The following TCF4 variants were observed in gnomAD, a reference collection of about 807,000 sequenced individuals.
TCF4 encodes SL3-3 enhancer factor 2.
A neutral mutation model predicts 82.1 loss-of-function variants in TCF4; 3 were observed. The ratio of observed to expected loss-of-function variants is 0.04; its 90% CI spans 0.02 to 0.09. The LOEUF (loss-of-function observed/expected upper bound fraction) is 0.09. Among genes scored for constraint, TCF4 ranks in the 10% least tolerant of loss-of-function variants. The probability of loss-of-function intolerance (pLI) is 1.00; values close to 1 mark genes in which losing one functional copy is unlikely to be tolerated. For synonymous variants in TCF4, 276 were observed against 309.6 expected, an observed-to-expected ratio of 0.89 and a Z score of 1.14; for missense variants, 518 against 852.7, an observed-to-expected ratio of 0.61 and a Z score of 4.89.
At chr18:55,621,630 T>G (rs1369020660) in intron 2 of TCF4, among the ~76,000 whole-genome samples, 1 of 83,812 alleles carries the variant, frequency 1.2e-5, no homozygotes, top group African/African-American at 4.8e-5. Context: ...ATATATAATA[T>G]ATATATTATA....
chr18:55,620,985 G>C (rs1246582037), intron 2 of TCF4, among the ~76,000 whole-genome samples: 2 of 152,022 alleles, frequency 1.3e-5, no homozygotes, highest in Non-Finnish European at 2.9e-5. Context: ...TGTTGATAGA[G>C]TGGGCCAATA....
intron 8 of TCF4, among the ~76,000 whole-genome samples, chr18:55,304,818 G>A (rs2069651111): frequency 6.6e-6 from 1 of 152,168 alleles, no homozygotes; most frequent in African/African-American, 2.4e-5. Flanking sequence ...TGTGATTTAA[G>A]AAGAGAGCAT....
chr18:55,620,252 C>T (rs1343111514), intron 2 of TCF4, among the ~76,000 whole-genome samples: 1 of 152,148 alleles, frequency 6.6e-6, no homozygotes, highest in African/African-American at 2.4e-5. Flanking sequence ...TTCTTTATAG[C>T]AGTGTGAAAT....
At chr18:55,413,497 C>T (rs928005055) in intron 5 of TCF4, among the ~76,000 whole-genome samples, 1 of 152,188 alleles carries the variant, frequency 6.6e-6, no homozygotes, top group Non-Finnish European at 1.5e-5. Context: ...ATAATAATAA[C>T]CAAACTGCCA....
chr18:55,376,343 C>T (rs2090741991), intron 6 of TCF4, among the ~76,000 whole-genome samples: 1 of 152,038 alleles, frequency 6.6e-6, no homozygotes, highest in African/African-American at 2.4e-5. Flanking sequence ...TTTCTTAGAA[C>T]ATGAAAATAA....
intron 3 of TCF4, among the ~76,000 whole-genome samples, chr18:55,552,116 T>C (rs1297021015): frequency 6.6e-6 from 1 of 152,198 alleles, no homozygotes; most frequent in East Asian, 1.9e-4. Context: ...CTCATTCAAA[T>C]ATCCCATTCC....
chr18:55,479,473 T>G (rs180679679), intron 3 of TCF4, among the ~76,000 whole-genome samples: 1 of 152,202 alleles, frequency 6.6e-6, no homozygotes, highest in African/African-American at 2.4e-5. Flanking sequence ...CGTGACCACC[T>G]AGGAATCTGA....
intron 5 of TCF4, among the ~76,000 whole-genome samples, chr18:55,429,995 A>T (rs1156832694): frequency 6.6e-6 from 1 of 151,956 alleles, no homozygotes; most frequent in Non-Finnish European, 1.5e-5. Context: ...CTTTTTGCAT[A>T]TGGACGACTG....
intron 3 of TCF4, among the ~76,000 whole-genome samples, chr18:55,476,403 T>C (rs1397825518): frequency 6.6e-6 from 1 of 152,188 alleles, no homozygotes; most frequent in East Asian, 1.9e-4. Flanking sequence ...CTTGTTATAA[T>C]CAATATAAGG....
At chr18:55,395,585 G>A (rs1053282622) in intron 6 of TCF4, among the ~76,000 whole-genome samples, 18 of 152,126 alleles carry the variant, frequency 1.2e-4, no homozygotes, top group African/African-American at 4.3e-4. Flanking sequence ...TATTTTACTT[G>A]AGGGCTAAAT....
intron 8 of TCF4, among the ~76,000 whole-genome samples, chr18:55,343,444 A>C (rs966599956): frequency 2.6e-5 from 4 of 152,176 alleles, no homozygotes; most frequent in African/African-American, 9.6e-5. Flanking sequence ...TTTATGATTA[A>C]TTCCTCAGAT....
chr18:55,435,257 A>T (rs894071570), intron 5 of TCF4, among the ~76,000 whole-genome samples: 1 of 152,230 alleles, frequency 6.6e-6, no homozygotes, highest in Non-Finnish European at 1.5e-5. Flanking sequence ...ACCTGTAAAT[A>T]TGTTGAGTTA....
intron 5 of TCF4, among the ~76,000 whole-genome samples, chr18:55,436,089 T>C (rs1018130374): frequency 6.6e-6 from 1 of 152,210 alleles, no homozygotes. Context: ...CACTACATGA[T>C]ACAAGTCAAA....
chr18:55,256,806 TATA>T (rs2145581336), intron 14 of TCF4, among the ~76,000 whole-genome samples: 1 of 152,240 alleles, frequency 6.6e-6, no homozygotes, highest in African/African-American at 2.4e-5. Context: ...TGTGAGTATT[TATA>T]ATAATTAACT....
chr18:55,308,373 TATTGAACCCA>T (rs755056420), intron 8 of TCF4, among the ~76,000 whole-genome samples: 1 of 152,200 alleles, frequency 6.6e-6, no homozygotes, highest in Non-Finnish European at 1.5e-5. Flanking sequence ...AAATGGTGAA[TATTGAACCCA>T]ATTTAACTTT....
chr18:55,367,948 A>C (rs2145460918), intron 6 of TCF4, among the ~76,000 whole-genome samples: 1 of 152,372 alleles, frequency 6.6e-6, no homozygotes. Flanking sequence ...CAGGTGAAAG[A>C]CAATGTAAAA....
chr18:55,300,396 G>T, intron 8 of TCF4, among the ~76,000 whole-genome samples: 1 of 147,692 alleles, frequency 6.8e-6, no homozygotes. Context: ...GGAAGGCAGG[G>T]GCAGGGAATG....
At chr18:55,350,792 G>C (rs2082170864) in intron 7 of TCF4, 82 bp downstream of exon 7, 6 of 1,591,790 alleles carry the variant, frequency 3.8e-6, no homozygotes, top group Non-Finnish European at 1.7e-6. Flanking sequence ...GGTAGGATGG[G>C]GGGGCGATAT....
chr18:55,360,393 A>C (rs1693283465), intron 6 of TCF4, among the ~76,000 whole-genome samples: 1 of 152,208 alleles, frequency 6.6e-6, no homozygotes, highest in Non-Finnish European at 1.5e-5. Context: ...CTTCATAGGA[A>C]GTGATATGGC....
Sources: allele counts gnomAD v4.1 joint callset (sites outside exome capture counted in the v4.1 genomes callset), GRCh38; gene constraint gnomAD v4.1.1; transcripts MANE v1.5; gene names NCBI Gene and HGNC (gene_info 2026-07-23, HGNC 2026-07-21).